Variants in SPC25 observed in about 807,000 individuals in gnomAD.
SPC25 encodes the protein kinetochore protein Spc25.
In SPC25, 22 loss-of-function variants were observed where a neutral mutation model predicts 29.6. That is an observed-to-expected ratio of 0.74 (90% CI 0.53 to 1.06). The LOEUF is 1.06. Among genes scored for constraint, SPC25 ranks in the 50% least tolerant of loss-of-function variants. The pLI is 0.00. For missense variants in SPC25, 230 were observed against 255.8 expected (o/e 0.90, Z 0.69); for synonymous variants, 91 against 90.4 (o/e 1.01, Z -0.04).
At chr2:168,879,092 G>A (rs1690133490) in intron 3 of SPC25, among the ~76,000 whole-genome samples, 1 of 152,176 alleles carries the variant, frequency 6.6e-6, no homozygotes, top group Non-Finnish European at 1.5e-5. Context: ...CTTTTGCAGG[G>A]GGAGGGTCTT....
chr2:168,869,316 C>T (rs1469801877), downstream of SPC25, among the ~76,000 whole-genome samples: 2 of 152,108 alleles, frequency 1.3e-5, no homozygotes, highest in Non-Finnish European at 2.9e-5. Context: ...ATGCCCTCTC[C>T]TACCACTCCT....
Position 168,871,374 on chromosome 2 carries a change from AAAG to A in SPC25, c.*54_*56del, listed in dbSNP as rs1350264356. 20 of 1,489,908 alleles carry A rather than the reference AAAG, an allele frequency of 1.3e-5. No individual in the cohort carries two copies. Among genetic ancestry groups the A allele is most frequent in the South Asian group, 2.6e-5 (2 of 75,854 alleles). 92.3% of individuals were successfully genotyped at this position (1,489,908 alleles called of 1,614,324 possible). A position where few individuals can be genotyped will look rare whatever the true frequency, so the allele number is the denominator to read the frequency against. On this transcript the variant is annotated 3_prime_UTR_variant, in exon 7 of 7. Transcript: ENST00000282074. ...TATAATAATAATAAAAACAAGAAAA[AAAG>A]AGATATGTAATAGAGAAGAAAAATA...
intron 4 of SPC25, among the ~76,000 whole-genome samples, chr2:168,863,087 CA>C (rs1689573877): frequency 6.6e-6 from 1 of 152,172 alleles, no homozygotes; most frequent in South Asian, 2.1e-4. Flanking sequence ...TAAGTTACAT[CA>C]TTCACAATAA....
intron 6 of SPC25, 44 bp downstream of exon 6, chr2:168,873,541 G>T: frequency 7.4e-7 from 1 of 1,352,712 alleles, no homozygotes; most frequent in Non-Finnish European, 1.1e-6. Context: ...ATAACATTTT[G>T]GAACGCCAAT....
At chr2:168,888,924 CGT>C (rs375198489) in intron 3 of SPC25, among the ~76,000 whole-genome samples, 5,954 of 87,400 alleles carry the variant, frequency 0.068, 387 homozygotes, top group Middle Eastern at 0.12. Context: ...ACTACATGTA[CGT>C]GTGTGTGTGT....
intron 4 of SPC25, among the ~76,000 whole-genome samples, chr2:168,862,334 CTGAT>C (rs1010569837): frequency 1.3e-4 from 20 of 152,196 alleles, no homozygotes; most frequent in African/African-American, 4.8e-4. Flanking sequence ...GCAGAGGAGA[CTGAT>C]ACACAGGAAG....
At chr2:168,867,975 G>A (rs1413265623), downstream of SPC25, among the ~76,000 whole-genome samples, 10 of 152,302 alleles carry the variant, frequency 6.6e-5, no homozygotes, top group Admixed American at 3.3e-4. Context: ...CTCAGCAAAT[G>A]TAAAAGAACA....
At chr2:168,862,962 G>A (rs568446951) in intron 4 of SPC25, among the ~76,000 whole-genome samples, 8 of 152,260 alleles carry the variant, frequency 5.3e-5, no homozygotes, top group African/African-American at 1.7e-4. Flanking sequence ...TTTATTGGGT[G>A]TTTCCTTTGC....
rs540338828 is a variant in SPC25, at chr2:168,864,430, C to T, written n.419+9155G>A. Among the ~76,000 whole-genome samples the T allele has an allele frequency of 1.7e-4, 26 of 152,110 alleles. 1 individual carries two copies. Among genetic ancestry groups the T allele is most frequent in the African/African-American group, 4.3e-4 (18 of 41,490 alleles). ...CCTCCTGAGTAGCTGGTATTACAGGCGTGCGCCACCACACCCAGCTAATTT... is the reference window on the plus strand; with the variant it reads ...CCTCCTGAGTAGCTGGTATTACAGGTGTGCGCCACCACACCCAGCTAATTT... On this transcript the variant is annotated intron_variant and non_coding_transcript_variant, in intron 4 of 4. Transcript: ENST00000479309.
At chr2:168,873,390 A>T (rs1690029528) in intron 6 of SPC25, among the ~76,000 whole-genome samples, 195 bp downstream of exon 6, 1 of 152,174 alleles carries the variant, frequency 6.6e-6, no homozygotes, top group Non-Finnish European at 1.5e-5. Context: ...GCTACTTATT[A>T]AGGATCTTAG....
downstream of SPC25, among the ~76,000 whole-genome samples, chr2:168,868,571 C>T (rs1331899151): frequency 5.9e-4 from 90 of 152,146 alleles, no homozygotes; most frequent in Non-Finnish European, 8.8e-4. Flanking sequence ...GAGAATACTA[C>T]AAACACCTCT....
chr2:168,866,099 C>T (rs547778799), downstream of SPC25, among the ~76,000 whole-genome samples: 2 of 152,420 alleles, frequency 1.3e-5, no homozygotes, highest in Admixed American at 6.5e-5. Flanking sequence ...CAATGACTTT[C>T]TTCACAAAAT....
downstream of SPC25, chr2:168,870,760 G>A (rs985818323): frequency 1.6e-4 from 25 of 151,528 alleles, no homozygotes; most frequent in Admixed American, 5.9e-4. Context: ...CTGTTGGTGG[G>A]ACTGTAAACT....
At chr2:168,873,742 A>C (rs1690037835) in intron 5 of SPC25, 59 bp from the exon 6 acceptor site, 1 of 1,117,236 alleles carries the variant, frequency 9.0e-7, no homozygotes, top group South Asian at 1.3e-5. Context: ...ACCCTTTCTT[A>C]CTCCATCTTT....
intron 3 of SPC25, among the ~76,000 whole-genome samples, chr2:168,887,530 A>C (rs1559158003): frequency 6.6e-6 from 1 of 152,252 alleles, no homozygotes; most frequent in Non-Finnish European, 1.5e-5. Context: ...TGGGCCACAC[A>C]ATGAGTAAAG....
At chr2:168,883,766 A>AT (rs1212827702) in intron 3 of SPC25, among the ~76,000 whole-genome samples, 11 of 144,830 alleles carry the variant, frequency 7.6e-5, no homozygotes, top group South Asian at 4.4e-4. Context: ...CTGTATGACC[A>AT]TTTTTTTTTC....
intron 3 of SPC25, among the ~76,000 whole-genome samples, chr2:168,880,462 T>C (rs1303765540): frequency 6.6e-6 from 1 of 152,258 alleles, no homozygotes; most frequent in Admixed American, 6.5e-5. Flanking sequence ...GCTAGAGTCT[T>C]ACCCTGAATT....
chr2:168,871,882 C>CT (rs1262615492), intron 6 of SPC25, among the ~76,000 whole-genome samples: 2 of 151,064 alleles, frequency 1.3e-5, no homozygotes, highest in African/African-American at 2.4e-5. Flanking sequence ...ACTATTTAAA[C>CT]TTTTTTTAAA....
chr2:168,862,734 G>T (rs1689544015), intron 4 of SPC25, among the ~76,000 whole-genome samples: 1 of 151,082 alleles, frequency 6.6e-6, no homozygotes, highest in Non-Finnish European at 1.5e-5. Flanking sequence ...CATTATTAAA[G>T]AAGAAAGTCT....
Sources: gnomAD v4.1 joint callset for allele counts (sites outside exome capture counted in the v4.1 genomes callset) on GRCh38, gnomAD v4.1.1 for gene constraint, MANE v1.5 for transcripts, NCBI Gene and HGNC (gene_info 2026-07-23, HGNC 2026-07-21) for gene names.